The following NPSR1 variants were observed in gnomAD, a reference collection of about 807,000 sequenced individuals.
NPSR1 encodes the protein neuropeptide S receptor.
In NPSR1, 48 loss-of-function variants were observed where a neutral mutation model predicts 46.9. The ratio of observed to expected loss-of-function variants is 1.02; its 90% CI spans 0.81 to 1.30. The LOEUF (loss-of-function observed/expected upper bound fraction) is 1.30. Among genes scored for constraint, NPSR1 ranks in the 50% most tolerant of loss-of-function variants. The pLI is 0.00. For synonymous variants in NPSR1, 176 were observed against 168.1 expected (o/e 1.05, Z -0.36); for missense variants, 450 against 449.5 (o/e 1.00, Z -0.01).
At chr7:34,792,706 T>C (rs1410731525) in intron 3 of NPSR1, among the ~76,000 whole-genome samples, 7 of 121,636 alleles carry the variant, frequency 5.8e-5, no homozygotes, top group African/African-American at 2.3e-4. Context: ...TATACGTATA[T>C]ATATATATTT....
intron 2 of NPSR1, among the ~76,000 whole-genome samples, chr7:34,707,995 C>T (rs143391877): frequency 2.0e-5 from 3 of 151,964 alleles, no homozygotes; most frequent in African/African-American, 2.4e-5. Flanking sequence ...ATGTCTGTAT[C>T]CTAATCTTCT....
intron 1 of NPSR1, among the ~76,000 whole-genome samples, chr7:34,679,742 A>T (rs1237976021): frequency 2.0e-5 from 3 of 152,150 alleles, no homozygotes; most frequent in African/African-American, 7.2e-5. Context: ...AGCCAAATAA[A>T]AATATTTCAT....
chr7:34,801,751 T>C (rs1378717434), intron 3 of NPSR1, among the ~76,000 whole-genome samples: 1 of 148,484 alleles, frequency 6.7e-6, no homozygotes, highest in East Asian at 2.0e-4. Context: ...ATAAAGAGTA[T>C]TCAATTAGGA....
intron 5 of NPSR1, 171 bp from the exon 6 acceptor site, chr7:34,834,213 C>T: frequency 1.6e-6 from 1 of 609,588 alleles, no homozygotes. Flanking sequence ...AGTGGATCCT[C>T]ATGGTCACTT....
intron 2 of NPSR1, chr7:34,710,961 T>C: frequency 2.8e-6 from 1 of 358,414 alleles, no homozygotes; most frequent in Non-Finnish European, 5.4e-6. Context: ...AGAACTGAAA[T>C]TCAAATGGCT....
intron 4 of NPSR1, among the ~76,000 whole-genome samples, chr7:34,821,127 CTTTTTTTTTTT>C (rs35086136): frequency 7.4e-5 from 7 of 94,854 alleles, no homozygotes; most frequent in Non-Finnish European, 1.3e-4. Flanking sequence ...TTGTGATACA[CTTTTTTTTTTT>C]TTTTTTTTTT....
At chr7:34,857,907 A>G (rs1227244799) in intron 8 of NPSR1, among the ~76,000 whole-genome samples, 1 of 151,786 alleles carries the variant, frequency 6.6e-6, no homozygotes, top group South Asian at 2.1e-4. Context: ...TTAACTTCAG[A>G]AAAGAAGTTA....
chr7:34,735,657 G>C (rs1364215833), intron 2 of NPSR1, among the ~76,000 whole-genome samples: 1 of 152,180 alleles, frequency 6.6e-6, no homozygotes, highest in Non-Finnish European at 1.5e-5. Context: ...TCCTAAAACA[G>C]TGTTTTCAAA....
At chr7:34,840,813 T>C (rs1031090535) in intron 6 of NPSR1, among the ~76,000 whole-genome samples, 3 of 152,026 alleles carry the variant, frequency 2.0e-5, no homozygotes, top group Non-Finnish European at 4.4e-5. Flanking sequence ...AGCGTCACCA[T>C]AGAGGCACAG....
chr7:34,708,678 G>A (rs1258609437), intron 2 of NPSR1, among the ~76,000 whole-genome samples: 1 of 152,220 alleles, frequency 6.6e-6, no homozygotes, highest in East Asian at 1.9e-4. Flanking sequence ...GTCAGAAGAT[G>A]CCTCTGCCCA....
At chr7:34,750,955 G>A (rs572055697) in intron 2 of NPSR1, 42 of 760,586 alleles carry the variant, frequency 5.5e-5, no homozygotes, top group Admixed American at 2.6e-4. Context: ...ATGATATCTG[G>A]AAGGAGACTA....
At chr7:34,694,223 T>C (rs989089806) in intron 2 of NPSR1, among the ~76,000 whole-genome samples, 1 of 152,166 alleles carries the variant, frequency 6.6e-6, no homozygotes, top group Non-Finnish European at 1.5e-5. Flanking sequence ...ATTATCTCTG[T>C]TCAGTAATGA....
At chr7:34,865,757 C>T (rs1791299206) in intron 8 of NPSR1, among the ~76,000 whole-genome samples, 3 of 151,716 alleles carry the variant, frequency 2.0e-5, no homozygotes, top group South Asian at 2.1e-4. Flanking sequence ...CCCCTTTGGG[C>T]AAGCTTGGGT....
At chr7:34,869,490 C>T (rs1791399293) in intron 8 of NPSR1, among the ~76,000 whole-genome samples, 7 of 151,628 alleles carry the variant, frequency 4.6e-5, no homozygotes. Flanking sequence ...ACCAGTGTCA[C>T]CTCACTGTAC....
intron 2 of NPSR1, chr7:34,718,812 T>C (rs1446525680): frequency 2.0e-5 from 3 of 152,176 alleles, no homozygotes; most frequent in African/African-American, 7.2e-5. Context: ...GGGAAAGTCA[T>C]GACATTTTTC....
downstream of NPSR1, among the ~76,000 whole-genome samples, chr7:34,853,698 C>T (rs1790989566): frequency 1.3e-5 from 2 of 152,154 alleles, no homozygotes; most frequent in South Asian, 2.1e-4. Context: ...TGGTGGCTCA[C>T]GCCTGTAATC....
chr7:34,835,124 C>T (rs1326944503), intron 6 of NPSR1, among the ~76,000 whole-genome samples: 1 of 152,228 alleles, frequency 6.6e-6, no homozygotes, highest in Non-Finnish European at 1.5e-5. Flanking sequence ...GGAGAAAACA[C>T]AGCAAACCAA....
intron 2 of NPSR1, among the ~76,000 whole-genome samples, chr7:34,774,226 C>T (rs73325774): frequency 0.068 from 10,368 of 152,242 alleles, 1,022 homozygotes; most frequent in African/African-American, 0.22. Flanking sequence ...GGAACTAACC[C>T]ATTGTCAGCC....
chr7:34,792,679 A>ATATATTTTTT (rs1562733201), intron 3 of NPSR1, among the ~76,000 whole-genome samples: 14 of 121,924 alleles, frequency 1.1e-4, no homozygotes, highest in Non-Finnish European at 1.3e-4. Flanking sequence ...ATATATGTAT[A>ATATATTTTTT]TATATATATG....
Sources: gnomAD v4.1 joint callset for allele counts (sites outside exome capture counted in the v4.1 genomes callset) on GRCh38, gnomAD v4.1.1 for gene constraint, MANE v1.5 for transcripts, NCBI Gene and HGNC (gene_info 2026-07-23, HGNC 2026-07-21) for gene names.